The following GRM5 variants were observed in gnomAD, a reference collection of about 807,000 sequenced individuals.
GRM5 encodes metabotropic glutamate receptor 5.
A neutral mutation model predicts 83.1 loss-of-function variants in GRM5; 19 were observed. The ratio of observed to expected loss-of-function variants is 0.23; its 90% CI spans 0.16 to 0.34. The LOEUF is 0.34. Among genes scored for constraint, GRM5 ranks in the 10% least tolerant of loss-of-function variants. The probability of loss-of-function intolerance (pLI) is 1.00; values close to 1 mark genes in which losing one functional copy is unlikely to be tolerated. For missense variants in GRM5, 1,160 were observed against 1,588.3 expected, an observed-to-expected ratio of 0.73 and a Z score of 4.58; for synonymous variants, 675 against 633.6, an observed-to-expected ratio of 1.07 and a Z score of -0.98.
chr11:88,929,946 G>T (rs908658257), intron 2 of GRM5, among the ~76,000 whole-genome samples: 2 of 152,052 alleles, frequency 1.3e-5, no homozygotes, highest in African/African-American at 4.8e-5. Flanking sequence ...AAGATTATTG[G>T]ATCAGACTGG....
At chr11:88,747,527 TACAC>T (rs937966825) in intron 3 of GRM5, among the ~76,000 whole-genome samples, 4 of 152,136 alleles carry the variant, frequency 2.6e-5, no homozygotes, top group African/African-American at 9.7e-5. Flanking sequence ...AGATGATAGA[TACAC>T]ACAGTAAAGT....
At chr11:88,810,523 A>G (rs542880576) in intron 3 of GRM5, among the ~76,000 whole-genome samples, 53 of 152,076 alleles carry the variant, frequency 3.5e-4, no homozygotes, top group Non-Finnish European at 6.5e-4. Context: ...GGATTAAATT[A>G]GGAAGAGAGT....
At chr11:88,727,475 C>T (rs189989616) in intron 3 of GRM5, among the ~76,000 whole-genome samples, 26 of 152,204 alleles carry the variant, frequency 1.7e-4, no homozygotes, top group Non-Finnish European at 3.2e-4. Context: ...TTAGAGAGAT[C>T]GATGAGACAG....
At chr11:88,845,099 A>G (rs1238416526) in intron 3 of GRM5, among the ~76,000 whole-genome samples, 2 of 152,324 alleles carry the variant, frequency 1.3e-5, no homozygotes, top group Middle Eastern at 3.4e-3. Flanking sequence ...GTAAAATGCC[A>G]TCAAACAACA....
chr11:88,921,466 C>A (rs1437631507), intron 2 of GRM5, among the ~76,000 whole-genome samples: 1 of 151,740 alleles, frequency 6.6e-6, no homozygotes, highest in Non-Finnish European at 1.5e-5. Context: ...TAGTAAAAAA[C>A]AACAACAAAA....
chr11:88,812,849 A>G (rs1943610454), intron 3 of GRM5, among the ~76,000 whole-genome samples: 1 of 152,152 alleles, frequency 6.6e-6, no homozygotes, highest in Admixed American at 6.5e-5. Context: ...GGAAATAGAA[A>G]CAAATATTTT....
chr11:88,905,402 G>A (rs1945385999), intron 2 of GRM5, among the ~76,000 whole-genome samples: 1 of 152,128 alleles, frequency 6.6e-6, no homozygotes, highest in African/African-American at 2.4e-5. Flanking sequence ...GGAGTGCAGT[G>A]GTGCAATTTC....
chr11:89,041,530 T>A (rs1377544810), intron 2 of GRM5, among the ~76,000 whole-genome samples: 1 of 152,138 alleles, frequency 6.6e-6, no homozygotes, highest in Non-Finnish European at 1.5e-5. Context: ...CCAAACCACA[T>A]GTGGATATGT....
chr11:88,795,120 AC>A (rs1943252245), intron 3 of GRM5, among the ~76,000 whole-genome samples: 1 of 152,242 alleles, frequency 6.6e-6, no homozygotes, highest in African/African-American at 2.4e-5. Context: ...CATTATATGA[AC>A]ATGAGACTAT....
intron 3 of GRM5, among the ~76,000 whole-genome samples, chr11:88,674,231 C>T (rs1371991163): frequency 1.3e-5 from 2 of 151,900 alleles, no homozygotes; most frequent in African/African-American, 2.4e-5. Context: ...TCTCCTAACA[C>T]TCCTCTTGCC....
chr11:88,729,939 C>G (rs936148240), intron 3 of GRM5, among the ~76,000 whole-genome samples: 1 of 152,046 alleles, frequency 6.6e-6, no homozygotes, highest in Non-Finnish European at 1.5e-5. Flanking sequence ...ACAACATAAC[C>G]TAGGCAATAG....
intron 2 of GRM5, among the ~76,000 whole-genome samples, chr11:88,885,449 T>TG (rs1555034461): frequency 2.4e-5 from 1 of 41,926 alleles, no homozygotes; most frequent in African/African-American, 7.2e-5. Flanking sequence ...GTAGGTACCA[T>TG]GTTTTTTTTT....
chr11:89,032,034 A>T (rs1941273672), intron 2 of GRM5, among the ~76,000 whole-genome samples: 2 of 152,194 alleles, frequency 1.3e-5, no homozygotes, highest in Middle Eastern at 3.4e-3. Context: ...ACATATTTTT[A>T]AAAATACTAT....
chr11:88,763,116 C>T (rs1233871169), intron 3 of GRM5, among the ~76,000 whole-genome samples: 1 of 151,804 alleles, frequency 6.6e-6, no homozygotes, highest in Admixed American at 6.6e-5. Flanking sequence ...ACAACAAACC[C>T]CCATGACACG....
chr11:89,040,943 T>G (rs922594795), intron 2 of GRM5, among the ~76,000 whole-genome samples: 6 of 152,206 alleles, frequency 3.9e-5, no homozygotes, highest in Non-Finnish European at 8.8e-5. Context: ...ATAATTTGCT[T>G]TTCATTCTGT....
At chr11:89,022,002 C>T (rs1287249938) in intron 2 of GRM5, among the ~76,000 whole-genome samples, 7 of 152,120 alleles carry the variant, frequency 4.6e-5, no homozygotes, top group Non-Finnish European at 1.0e-4. Flanking sequence ...TGATAACAAA[C>T]GTTCTTAACA....
At chr11:88,578,064 CT>C (rs1344671301) in intron 7 of GRM5, among the ~76,000 whole-genome samples, 1 of 151,970 alleles carries the variant, frequency 6.6e-6, no homozygotes, top group Non-Finnish European at 1.5e-5. Context: ...TTAGATTATC[CT>C]TTATTATTCT....
chr11:88,890,934 T>C (rs1319249502), intron 2 of GRM5, among the ~76,000 whole-genome samples: 1 of 152,134 alleles, frequency 6.6e-6, no homozygotes, highest in East Asian at 1.9e-4. Flanking sequence ...TAAAGGATTA[T>C]AAGAAACCAT....
intron 3 of GRM5, among the ~76,000 whole-genome samples, chr11:88,684,420 T>C (rs1420697264): frequency 1.3e-5 from 2 of 152,164 alleles, no homozygotes; most frequent in Non-Finnish European, 2.9e-5. Context: ...GGGATGAAGA[T>C]AGCTTGGAAT....
Sources: gnomAD v4.1 joint callset for allele counts (sites outside exome capture counted in the v4.1 genomes callset) on GRCh38, gnomAD v4.1.1 for gene constraint, MANE v1.5 for transcripts, NCBI Gene and HGNC (gene_info 2026-07-23, HGNC 2026-07-21) for gene names.